TRAK1: variants seen among roughly 807,000 people sequenced by gnomAD.
TRAK1 encodes the protein trafficking kinesin protein 1.
In TRAK1, 33 loss-of-function variants were observed where a neutral mutation model predicts 92.1. The ratio of observed to expected loss-of-function variants is 0.36; its 90% CI spans 0.27 to 0.48. The LOEUF is 0.48. Among genes scored for constraint, TRAK1 ranks in the 20% least tolerant of loss-of-function variants. TRAK1 has a pLI of 0.99. For synonymous variants in TRAK1, 521 were observed against 517.3 expected, an observed-to-expected ratio of 1.01 and a Z score of -0.10; for missense variants, 1,123 against 1,257.9, an observed-to-expected ratio of 0.89 and a Z score of 1.62.
At chr3:42,070,125 A>G (rs953077970) in intron 1 of TRAK1, among the ~76,000 whole-genome samples, 10 of 152,024 alleles carry the variant, frequency 6.6e-5, no homozygotes, top group Middle Eastern at 3.4e-3. Context: ...GGCCGGGATT[A>G]CAGGTTTAAT....
chr3:42,014,239 A>C (rs1454964045), intron 1 of TRAK1: 1 of 152,290 alleles, frequency 6.6e-6, no homozygotes, highest in Non-Finnish European at 1.5e-5. Context: ...GGGCGCCGGG[A>C]CCCTGCGGGG....
intron 1 of TRAK1, among the ~76,000 whole-genome samples, chr3:42,022,883 G>A (rs567693663): frequency 6.6e-6 from 1 of 151,970 alleles, no homozygotes; most frequent in Non-Finnish European, 1.5e-5. Context: ...TCCTGGCCAG[G>A]CGCAGTGGCT....
At chr3:42,087,118 G>T (rs1704717732), upstream of TRAK1, 1 of 152,536 alleles carries the variant, frequency 6.6e-6, no homozygotes, top group East Asian at 1.9e-4. Context: ...CCTATAAGGA[G>T]CCCCTGCTGG....
chr3:42,072,128 T>C (rs1703958508), intron 1 of TRAK1, among the ~76,000 whole-genome samples: 1 of 152,210 alleles, frequency 6.6e-6, no homozygotes, highest in African/African-American at 2.4e-5. Context: ...CTGGCAGTAT[T>C]AAGCGTCCGG....
intron 5 of TRAK1, 114 bp from the exon 6 acceptor site, chr3:42,188,902 C>G (rs1335844187): frequency 1.3e-5 from 9 of 706,366 alleles, no homozygotes; most frequent in Non-Finnish European, 2.2e-5. Flanking sequence ...GTTGGGAGAG[C>G]CGTCTGGTGG....
At chr3:42,019,140 CAT>C (rs1421733912) in intron 1 of TRAK1, among the ~76,000 whole-genome samples, 1 of 151,540 alleles carries the variant, frequency 6.6e-6, no homozygotes, top group Non-Finnish European at 1.5e-5. Flanking sequence ...AAAAAAAAAG[CAT>C]ATTAATTAGA....
chr3:42,190,365 G>A (rs183630544), intron 6 of TRAK1, among the ~76,000 whole-genome samples: 11 of 152,196 alleles, frequency 7.2e-5, no homozygotes, highest in South Asian at 2.1e-4. Flanking sequence ...TTCATGTCCC[G>A]TCTGAACAAG....
intron 10 of TRAK1, among the ~76,000 whole-genome samples, chr3:42,195,211 A>AT (rs1201637686): frequency 1.3e-5 from 2 of 152,224 alleles, no homozygotes; most frequent in African/African-American, 4.8e-5. Context: ...CTTTAGTGGG[A>AT]ACCTGAGGTA....
intron 1 of TRAK1, among the ~76,000 whole-genome samples, chr3:42,119,198 C>G (rs925241652): frequency 6.6e-6 from 1 of 152,122 alleles, no homozygotes; most frequent in Non-Finnish European, 1.5e-5. Context: ...CTTCTAACAT[C>G]GTAGTGAAGT....
In TRAK1 at chr3:42,191,559, C is replaced by T; in HGVS notation, c.692C>T (p.Ala231Val). The stretch of plus-strand genomic sequence containing the variant: ...CTCTGACCTGGGTCTTGTCTACAGG[C>T]CAGCCAGCTGAAGACAGAGACCATC... Reference protein sequence around the residue: ...EEENVVLRSEASQLKTETITY... With the variant: ...EEENVVLRSEVSQLKTETITY... The change falls in exon 7 of 16, where the codon GCC (alanine) becomes GTC (valine). Residue 231 changes from alanine to valine, a missense_variant and splice_region_variant. By Grantham distance (64) the Ala-to-Val change is moderately conservative. Transcript: ENST00000327628. 6.3e-7 allele frequency: 1 copy of T among 1,591,342 alleles called. No individual in the cohort carries two copies. The highest frequency in any genetic ancestry group is 1.8e-5 in the Admixed American group (1 of 56,902).
intron 1 of TRAK1, among the ~76,000 whole-genome samples, chr3:42,068,683 A>G (rs372082873): frequency 3.9e-5 from 6 of 152,332 alleles, no homozygotes; most frequent in Admixed American, 2.6e-4. Context: ...GTAGGACAAT[A>G]CCTATTGAAA....
In TRAK1 at chr3:42,191,672, C is replaced by T. The variant is rs1477155499; in HGVS notation, c.769+36C>T. The T allele has an allele frequency of 4.5e-6, 7 of 1,563,406 alleles. No homozygotes were observed. The African/African-American group carries it at 8.1e-5, about 18-fold the overall frequency. On this transcript the variant is annotated intron_variant, in intron 7 of 15. Coordinates refer to ENST00000327628, the MANE Select transcript of TRAK1 (RefSeq NM_001042646.3). Reference sequence around the variant, plus strand: ...GCACTGCTGTCTTCTTACTTCCTTGCATCTGCTGTCATGATTAGACAGATT... The same window carrying T: ...GCACTGCTGTCTTCTTACTTCCTTGTATCTGCTGTCATGATTAGACAGATT...
rs899948806 is a variant in TRAK1, at chr3:42,202,778, C to T, written c.1744+26C>T. On this transcript the variant is annotated intron_variant, in intron 13 of 15. Transcript: ENST00000327628. The surrounding 1 kb of genome is among the most constrained non-coding windows in gnomAD (Gnocchi z 6.1). Reference sequence around the variant, plus strand: ...GTGATCACGCGGGGCCTCGGCCCCTCTCTGTCCTCCTGGGGGACTCCCTTT... The same window carrying T: ...GTGATCACGCGGGGCCTCGGCCCCTTTCTGTCCTCCTGGGGGACTCCCTTT... 1 of 1,611,600 alleles carries T rather than the reference C, an allele frequency of 6.2e-7. No homozygotes were observed. The highest frequency in any genetic ancestry group is 2.2e-5 in the East Asian group (1 of 44,792).
At chr3:42,176,259 A>G (rs1391013451) in intron 2 of TRAK1, among the ~76,000 whole-genome samples, 1 of 152,198 alleles carries the variant, frequency 6.6e-6, no homozygotes, top group Non-Finnish European at 1.5e-5. Context: ...TTTTCATGGT[A>G]TGGAGCTGGT....
intron 1 of TRAK1, among the ~76,000 whole-genome samples, chr3:42,022,368 C>T (rs1257567909): frequency 6.6e-6 from 1 of 152,158 alleles, no homozygotes; most frequent in African/African-American, 2.4e-5. Context: ...TAGACTAAAA[C>T]GTTGACTGCT....
At chr3:42,143,683 A>G (rs146915409) in intron 2 of TRAK1, among the ~76,000 whole-genome samples, 344 of 152,100 alleles carry the variant, frequency 2.3e-3, no homozygotes, top group African/African-American at 8.0e-3. Flanking sequence ...CTGACTTTCT[A>G]GTGGCAGTGA....
intron 1 of TRAK1, among the ~76,000 whole-genome samples, chr3:42,063,457 G>A (rs1164416752): frequency 7.2e-5 from 11 of 152,116 alleles, no homozygotes; most frequent in South Asian, 2.1e-4. Flanking sequence ...AGGCTGAGGC[G>A]GGCAAATCAG....
chr3:42,110,120 AT>A (rs1708178612), intron 1 of TRAK1, among the ~76,000 whole-genome samples: 2 of 137,846 alleles, frequency 1.5e-5, no homozygotes, highest in East Asian at 2.4e-4. Context: ...ATATATATAT[AT>A]ATATATATAT....
chr3:42,113,321 C>G, intron 1 of TRAK1, among the ~76,000 whole-genome samples: 1 of 150,560 alleles, frequency 6.6e-6, no homozygotes, highest in East Asian at 1.9e-4. Flanking sequence ...TTATTCTACT[C>G]TACTCTCTAC....
Sources: allele counts gnomAD v4.1 joint callset (sites outside exome capture counted in the v4.1 genomes callset), GRCh38; gene constraint gnomAD v4.1.1; non-coding constraint Gnocchi (gnomAD v3.1); transcripts MANE v1.5; gene names NCBI Gene and HGNC (gene_info 2026-07-23, HGNC 2026-07-21).